Variants in HDAC9 observed in about 807,000 individuals in gnomAD.
HDAC9 encodes MEF-2 interacting transcription repressor (MITR) protein.
Under a neutral mutation model 139.4 loss-of-function variants are expected in HDAC9, and 41 were observed. The ratio of observed to expected loss-of-function variants is 0.29; its 90% CI spans 0.23 to 0.38. The LOEUF (loss-of-function observed/expected upper bound fraction) is 0.38, where lower values mean the gene tolerates loss of function less well. HDAC9 is among the 10% of genes least tolerant of loss of function. The pLI is 1.00. For synonymous variants in HDAC9, 517 were observed against 476.2 expected, an observed-to-expected ratio of 1.09 and a Z score of -1.12; for missense variants, 1,147 against 1,297.0, an observed-to-expected ratio of 0.88 and a Z score of 1.78.
chr7:18,331,903 A>G (rs1159753097), intron 1 of HDAC9, among the ~76,000 whole-genome samples: 3 of 151,588 alleles, frequency 2.0e-5, no homozygotes, highest in South Asian at 2.1e-4. Flanking sequence ...ATTTGAGTTC[A>G]GTGGCACAGT....
intron 2 of HDAC9, among the ~76,000 whole-genome samples, chr7:18,549,980 T>G (rs1457138786): frequency 2.0e-5 from 3 of 151,958 alleles, no homozygotes; most frequent in African/African-American, 7.2e-5. Flanking sequence ...TAGCTTACTT[T>G]TCTTGCTTAG....
At chr7:18,322,428 T>G (rs1316610809) in intron 1 of HDAC9, among the ~76,000 whole-genome samples, 1 of 152,166 alleles carries the variant, frequency 6.6e-6, no homozygotes, top group Non-Finnish European at 1.5e-5. Flanking sequence ...CCATTTTACC[T>G]CCAAGAGTAT....
At chr7:18,134,311 A>G (rs577132154) in intron 1 of HDAC9, among the ~76,000 whole-genome samples, 209 of 152,224 alleles carry the variant, frequency 1.4e-3, no homozygotes, top group African/African-American at 4.8e-3. Flanking sequence ...TATTAATGTC[A>G]TGGCATATAT....
At chr7:18,775,839 A>G (rs1012213178) in intron 16 of HDAC9, among the ~76,000 whole-genome samples, 12 of 152,000 alleles carry the variant, frequency 7.9e-5, no homozygotes, top group African/African-American at 2.9e-4. Context: ...GAATATCCAT[A>G]CTCAGTTGAA....
At chr7:18,856,993 C>G (rs1035555123) in intron 21 of HDAC9, among the ~76,000 whole-genome samples, 2 of 152,074 alleles carry the variant, frequency 1.3e-5, no homozygotes, top group South Asian at 4.1e-4. Flanking sequence ...ATATTCTTCT[C>G]CTACCTCTCA....
At chr7:18,379,766 G>C (rs917819078) in intron 1 of HDAC9, among the ~76,000 whole-genome samples, 1 of 152,168 alleles carries the variant, frequency 6.6e-6, no homozygotes, top group East Asian at 1.9e-4. Flanking sequence ...TGAGGCTTGC[G>C]GTACATTATT....
chr7:18,648,410 ATGTG>A (rs145105320), intron 10 of HDAC9, 52 bp from the exon 11 acceptor site: 719 of 1,052,800 alleles, frequency 6.8e-4, no homozygotes, highest in South Asian at 2.3e-3. Flanking sequence ...GTGTGTGTGT[ATGTG>A]TGTGTGTGTG....
At chr7:18,855,852 T>C (rs564769871) in intron 21 of HDAC9, among the ~76,000 whole-genome samples, 1 of 152,260 alleles carries the variant, frequency 6.6e-6, no homozygotes, top group South Asian at 2.1e-4. Context: ...TTTGCAGTAA[T>C]GGAAACATTC....
intron 1 of HDAC9, among the ~76,000 whole-genome samples, chr7:18,347,574 A>G (rs1441265286): frequency 6.6e-6 from 1 of 152,150 alleles, no homozygotes; most frequent in Non-Finnish European, 1.5e-5. Context: ...ATAAACTGCA[A>G]CATGTTCTTA....
chr7:18,144,276 A>G (rs983588370), intron 1 of HDAC9, among the ~76,000 whole-genome samples: 42 of 152,202 alleles, frequency 2.8e-4, no homozygotes, highest in Admixed American at 1.4e-3. Context: ...CCCACAGTTC[A>G]TGGAAAGTGA....
At chr7:18,733,678 T>A (rs1295103106) in intron 13 of HDAC9, among the ~76,000 whole-genome samples, 1 of 151,946 alleles carries the variant, frequency 6.6e-6, no homozygotes, top group Admixed American at 6.6e-5. Context: ...GTATCTCATA[T>A]GTATACATAC....
chr7:18,364,502 A>G (rs527683639), intron 1 of HDAC9, among the ~76,000 whole-genome samples: 33 of 151,500 alleles, frequency 2.2e-4, no homozygotes, highest in African/African-American at 7.8e-4. Flanking sequence ...TTGAAAGTAA[A>G]GAAGAAGAGA....
chr7:18,396,002 A>G (rs1455865148), intron 1 of HDAC9, among the ~76,000 whole-genome samples: 1 of 151,902 alleles, frequency 6.6e-6, no homozygotes, highest in Non-Finnish European at 1.5e-5. Flanking sequence ...TCTATTAGGA[A>G]GGATGTAGGG....
At chr7:18,651,802 C>T (rs968207541) in intron 11 of HDAC9, among the ~76,000 whole-genome samples, 1 of 152,032 alleles carries the variant, frequency 6.6e-6, no homozygotes, top group African/African-American at 2.4e-5. Context: ...AGATTATTTG[C>T]CTCTTACAGT....
intron 1 of HDAC9, among the ~76,000 whole-genome samples, chr7:18,421,549 T>C (rs1438491741): frequency 6.6e-6 from 1 of 152,060 alleles, no homozygotes; most frequent in Non-Finnish European, 1.5e-5. Context: ...ACAATTATTT[T>C]TATGTCTGGA....
intron 1 of HDAC9, among the ~76,000 whole-genome samples, chr7:18,457,701 A>G (rs1404799762): frequency 6.6e-6 from 1 of 152,196 alleles, no homozygotes; most frequent in Non-Finnish European, 1.5e-5. Context: ...TTGTTGAGGC[A>G]TTAGTGAGTT....
intron 22 of HDAC9, among the ~76,000 whole-genome samples, chr7:18,905,412 A>G (rs572139826): frequency 6.6e-6 from 1 of 152,342 alleles, no homozygotes; most frequent in African/African-American, 2.4e-5. Flanking sequence ...CTTCACGTAG[A>G]TTTTTGAAAG....
At chr7:18,127,552 T>C (rs1026695100) in intron 1 of HDAC9, among the ~76,000 whole-genome samples, 1 of 152,138 alleles carries the variant, frequency 6.6e-6, no homozygotes, top group South Asian at 2.1e-4. Context: ...GGGGACCTTA[T>C]TCTCTCTGGT....
chr7:18,538,164 A>T (rs1474950887), intron 2 of HDAC9, among the ~76,000 whole-genome samples: 1 of 152,198 alleles, frequency 6.6e-6, no homozygotes, highest in East Asian at 1.9e-4. Context: ...CTGGTCATGC[A>T]TTAACTTACA....
Sources: gnomAD v4.1 joint callset for allele counts (sites outside exome capture counted in the v4.1 genomes callset) on GRCh38, gnomAD v4.1.1 for gene constraint, MANE v1.5 for transcripts, NCBI Gene and HGNC (gene_info 2026-07-23, HGNC 2026-07-21) for gene names.